TTLL5: variants seen among roughly 807,000 people sequenced by gnomAD.
TTLL5 encodes tubulin tyrosine ligase like 5, also known as tubulin polyglutamylase TTLL5.
Under a neutral mutation model 168.4 loss-of-function variants are expected in TTLL5, and 132 were observed. The observed-to-expected ratio is 0.78, with a 90% CI of 0.68 to 0.91. The LOEUF is 0.91. Among genes scored for constraint, TTLL5 ranks in the 40% least tolerant of loss-of-function variants. The pLI is 0.00. For synonymous variants in TTLL5, 546 were observed against 558.6 expected, an observed-to-expected ratio of 0.98 and a Z score of 0.32; for missense variants, 1,545 against 1,581.5, an observed-to-expected ratio of 0.98 and a Z score of 0.39.
At chr14:75,815,989 TGC>T (rs1363356442) in intron 27 of TTLL5, among the ~76,000 whole-genome samples, 1 of 152,242 alleles carries the variant, frequency 6.6e-6, no homozygotes, top group Non-Finnish European at 1.5e-5. Flanking sequence ...GTAGACCACA[TGC>T]GCTGGAAGGC....
chr14:75,919,916 T>C lies in TTLL5; in HGVS notation c.3823+17692T>C, dbSNP rs1263149324. ...CAGGCAGATCACTTGAGCTCAGGAG[T>C]TTGAGACCAGCCTGGGCAACATGGC... On this transcript the variant is annotated intron_variant, in intron 31 of 31. Coordinates refer to ENST00000298832, the MANE Select transcript of TTLL5 (RefSeq NM_015072.5). 2.0e-5 allele frequency among the ~76,000 whole-genome samples: 3 copies of C among 149,598 alleles called. No homozygotes were observed. The Admixed American group carries it at 2.0e-4, about 10-fold the overall frequency.
chr14:75,662,852 T>C (rs78500048), intron 1 of TTLL5, among the ~76,000 whole-genome samples: 1 of 152,182 alleles, frequency 6.6e-6, no homozygotes, highest in African/African-American at 2.4e-5. Context: ...AGACTGTATG[T>C]TTGAAAAAAA....
intron 31 of TTLL5, among the ~76,000 whole-genome samples, chr14:75,911,032 T>C (rs1166432890): frequency 3.3e-5 from 5 of 152,168 alleles, no homozygotes; most frequent in African/African-American, 1.2e-4. Context: ...GTTTTTGTTT[T>C]TGTTTTTTTG....
At chr14:75,895,500 T>A (rs985381099) in intron 30 of TTLL5, among the ~76,000 whole-genome samples, 2 of 151,960 alleles carry the variant, frequency 1.3e-5, no homozygotes, top group African/African-American at 4.8e-5. Context: ...GCACTTAAGT[T>A]AGAAATAATA....
intron 21 of TTLL5, among the ~76,000 whole-genome samples, chr14:75,773,927 TAGAG>T (rs1266575647): frequency 3.5e-3 from 74 of 21,132 alleles, no homozygotes; most frequent in African/African-American, 8.2e-3. Context: ...TATATATATA[TAGAG>T]AGAGAGAGAG....
chr14:75,764,469 T>G lies in TTLL5; in HGVS notation c.1551-146T>G, dbSNP rs1399175573. On this transcript the variant is annotated intron_variant, in intron 18 of 31. Transcript: ENST00000298832. ...AGTGAGGTTTTAACGTAGATTCTAG[T>G]GTTCCTCTTTATCTGTCAAACTTTT... 5 of 883,006 alleles carry G rather than the reference T, an allele frequency of 5.7e-6. No individual in the cohort carries two copies. The East Asian group carries it at 1.2e-4, about 22-fold the overall frequency. 54.7% of individuals were successfully genotyped at this position (883,006 alleles called of 1,614,324 possible).
At chr14:75,821,499 G>A (rs1894830229) in intron 28 of TTLL5, among the ~76,000 whole-genome samples, 1 of 152,102 alleles carries the variant, frequency 6.6e-6, no homozygotes, top group Non-Finnish European at 1.5e-5. Flanking sequence ...TGCAATTTTG[G>A]ATATAATGTC....
chr14:75,688,543 C>T (rs948085022), intron 5 of TTLL5, among the ~76,000 whole-genome samples: 6 of 152,174 alleles, frequency 3.9e-5, no homozygotes, highest in South Asian at 2.1e-4. Flanking sequence ...AGGAGGGAGT[C>T]GTAGGGATGC....
intron 28 of TTLL5, among the ~76,000 whole-genome samples, chr14:75,831,779 T>C (rs943826752): frequency 2.0e-5 from 3 of 152,222 alleles, no homozygotes; most frequent in Admixed American, 6.5e-5. Flanking sequence ...ATTTTTTCTT[T>C]ACTGTGTGTG....
At chr14:75,836,579 A>G (rs1895880933) in intron 28 of TTLL5, among the ~76,000 whole-genome samples, 1 of 152,186 alleles carries the variant, frequency 6.6e-6, no homozygotes, top group South Asian at 2.1e-4. Context: ...ACAAAGGATA[A>G]ATGCTTGGGG....
chr14:75,768,183 T>C (rs1413781194), intron 20 of TTLL5, among the ~76,000 whole-genome samples: 1 of 152,172 alleles, frequency 6.6e-6, no homozygotes, highest in Non-Finnish European at 1.5e-5. Flanking sequence ...GGAATACCAC[T>C]GTTCAATGGG....
chr14:75,745,670 A>G, intron 17 of TTLL5, 89 bp downstream of exon 17: 1 of 994,000 alleles, frequency 1.0e-6, no homozygotes, highest in Non-Finnish European at 1.5e-6. Context: ...GCTCCCCCCG[A>G]TGATGCTTTT....
chr14:75,727,761 A>G, intron 12 of TTLL5: 1 of 439,806 alleles, frequency 2.3e-6, no homozygotes, highest in South Asian at 1.7e-5. Context: ...ACCAGACTCA[A>G]AAGAGTATAT....
intron 31 of TTLL5, among the ~76,000 whole-genome samples, chr14:75,933,605 G>C (rs1020318557): frequency 6.6e-6 from 1 of 152,134 alleles, no homozygotes; most frequent in African/African-American, 2.4e-5. Context: ...AGGATAAACT[G>C]GTGGGATCTG....
intron 27 of TTLL5, among the ~76,000 whole-genome samples, chr14:75,799,445 C>T (rs1236685286): frequency 6.6e-6 from 1 of 152,122 alleles, no homozygotes; most frequent in Non-Finnish European, 1.5e-5. Flanking sequence ...TTAAGGGGAA[C>T]ATTTAGGCCA....
intron 31 of TTLL5, among the ~76,000 whole-genome samples, chr14:75,922,861 G>A (rs920829936): frequency 3.3e-5 from 5 of 152,088 alleles, no homozygotes; most frequent in African/African-American, 1.2e-4. Context: ...ACAGGTCCTG[G>A]ACTTTTTTTG....
Position 75,699,215 on chromosome 14 carries a change from G to A in TTLL5, c.530G>A (p.Trp177Ter). ...CNSYSKDRGP[W>*]IVKPVASSRG... ...TCATATTCGAAGGACCGGGGACCTT[G>A]GATAGTAAAACCAGTGGCATCTTCA... Residue 177 changes from tryptophan to a stop codon, truncating the protein, a stop_gained, in exon 7 of 32, where the codon TGG (tryptophan) becomes TAG (stop). Transcript: ENST00000298832. LOFTEE classifies it high-confidence loss of function. The A allele has an allele frequency of 6.2e-7, 1 of 1,613,950 alleles. No individual in the cohort carries two copies. The highest frequency in any genetic ancestry group is 8.5e-7 in the Non-Finnish European group (1 of 1,179,918).
chr14:75,756,768 A>G (rs1890288207), intron 18 of TTLL5, among the ~76,000 whole-genome samples: 1 of 152,190 alleles, frequency 6.6e-6, no homozygotes, highest in Non-Finnish European at 1.5e-5. Context: ...TCGACCTCCC[A>G]AAGTGCTAGA....
At chr14:75,725,510 C>G (rs756847905) in intron 12 of TTLL5, among the ~76,000 whole-genome samples, 2 of 152,154 alleles carry the variant, frequency 1.3e-5, no homozygotes, top group Non-Finnish European at 2.9e-5. Flanking sequence ...TTGGTATTAT[C>G]TGTGTTTTAT....
Sources: allele counts gnomAD v4.1 joint callset (sites outside exome capture counted in the v4.1 genomes callset), GRCh38; gene constraint gnomAD v4.1.1; transcripts MANE v1.5; gene names NCBI Gene and HGNC (gene_info 2026-07-23, HGNC 2026-07-21).